Variants in PRR12 observed in about 807,000 individuals in gnomAD.
PRR12 encodes the protein proline rich 12, also known as proline-rich protein 12.
Under a neutral mutation model 138.0 loss-of-function variants are expected in PRR12, and 12 were observed. The observed-to-expected ratio is 0.09, with a 90% CI of 0.06 to 0.14. PRR12 has a LOEUF of 0.14. Among genes scored for constraint, PRR12 ranks in the 10% least tolerant of loss-of-function variants. The pLI is 1.00. For missense variants in PRR12, 2,692 were observed against 2,861.3 expected (o/e 0.94, Z 1.35); for synonymous variants, 1,567 against 1,291.7 (o/e 1.21, Z -4.57).
rs1326647121 is a variant in PRR12 at position 49,601,858 on chromosome 19, G to A, written c.4713G>A (p.Glu1571=). The part of the protein sequence containing the change: ...TDEEAGESGG[E]GIFRERDEFV... The stretch of plus-strand genomic sequence containing the variant: ...AGGAGGCCGGCGAGAGTGGCGGAGA[G>A]GGCATCTTCCGGGAACGGGACGAGT... Residue 1571 remains glutamate (E), a synonymous_variant, in exon 6 of 14, where the codon GAG becomes GAA. Coordinates refer to ENST00000418929, the MANE Select transcript of PRR12 (RefSeq NM_020719.3). 5 of 1,612,694 alleles carry A rather than the reference G, an allele frequency of 3.1e-6. No homozygotes were observed. Among genetic ancestry groups the A allele is most frequent in the Admixed American group, 3.3e-5 (2 of 60,026 alleles).
At position 49,596,493 on chromosome 19, in the gene PRR12, C is replaced by T; in HGVS notation, c.2158C>T (p.Leu720=). ...LDEGATAALE[L]GLGRLKEKKK... is the part of the protein sequence containing the mutation. ...TGAGGGTGCCACTGCGGCACTGGAG[C>T]TGGGCCTGGGGAGGCTGAAGGAGAA... Residue 720 remains leucine, a synonymous_variant, in exon 4 of 14, where the codon CTG becomes TTG. Coordinates refer to ENST00000418929, the MANE Select transcript of PRR12 (RefSeq NM_020719.3). This position sits in a 1 kb window ranked among gnomAD's most constrained non-coding sequence, Gnocchi z 5.6. 2 of 1,610,468 alleles carry T rather than the reference C, an allele frequency of 1.2e-6. No homozygotes were observed. Among genetic ancestry groups the T allele is most frequent in the Non-Finnish European group, 1.7e-6 (2 of 1,179,044 alleles).
rs1398558818 is a variant in PRR12 at position 49,616,415 on chromosome 19, G to C, written c.5497+196G>C. Among the ~76,000 whole-genome samples the C allele has an allele frequency of 6.6e-6, 1 of 152,152 alleles. No individual in the cohort carries two copies. The highest frequency in any genetic ancestry group is 1.5e-5 in the Non-Finnish European group (1 of 68,042). On this transcript the variant is annotated intron_variant, in intron 9 of 13. Transcript: ENST00000418929. The surrounding 1 kb of genome is among the most constrained non-coding windows in gnomAD (Gnocchi z 4.2). Reference sequence around the variant, plus strand: ...CTGAGAAGCTGATGGATGTTAACTTGTGTAATTTTCACCCATCCTAGTAGG... The same window carrying C: ...CTGAGAAGCTGATGGATGTTAACTTCTGTAATTTTCACCCATCCTAGTAGG...
At position 49,594,867 on chromosome 19, in the gene PRR12, C is replaced by G. The variant is rs763735808; in HGVS notation, c.532C>G (p.Pro178Ala). The change falls in exon 4 of 14, where the codon CCA (proline) becomes GCA (alanine). Residue 178 changes from proline to alanine, a missense_variant. Physicochemically the swap from Pro to Ala is conservative, Grantham distance 27. Around this residue, in one of 11 missense-constraint regions of PRR12, gnomAD observed 211 missense variants for 266.3 expected, o/e 0.79. Coordinates refer to ENST00000418929, the MANE Select transcript of PRR12 (RefSeq NM_020719.3). This position sits in a 1 kb window ranked among gnomAD's most constrained non-coding sequence, Gnocchi z 5.6. ...CCTCCAGGACCCCCCATTCAGCCCT[C>G]CAGCTAACGGGCTCCTGTCCCCTCA... ...LSLQDPPFSPPANGLLSPHDV... is the reference protein window; with the variant it reads ...LSLQDPPFSPAANGLLSPHDV... 1 of 1,611,412 alleles carries G rather than the reference C, an allele frequency of 6.2e-7. No homozygotes were observed. Among genetic ancestry groups the G allele is most frequent in the African/African-American group, 1.3e-5 (1 of 74,866 alleles).
chr19:49,601,144 G>A (rs554354913), intron 5 of PRR12, among the ~76,000 whole-genome samples: 43 of 152,292 alleles, frequency 2.8e-4, no homozygotes, highest in Admixed American at 1.2e-3. Context: ...GGAGGAGGAT[G>A]AGGCCTTGGA....
rs1568422455 is a variant in PRR12 at position 49,596,340 on chromosome 19, G to C, written c.2005G>C (p.Asp669His). The C allele has an allele frequency of 6.2e-7, 1 of 1,609,846 alleles. No homozygotes were observed. Among genetic ancestry groups the C allele is most frequent in the Admixed American group, 1.7e-5 (1 of 59,822 alleles). ...DGLVGEDGAA[D>H]ASKGLGGSGG... ...CTTGGTGGGCGAGGACGGGGCAGCA[G>C]ATGCCTCTAAGGGACTTGGGGGGAG... is the stretch of plus-strand genomic sequence containing the variant. The change falls in exon 4 of 14, where the codon GAT (aspartate) becomes CAT (histidine). Residue 669 changes from aspartate (D) to histidine (H), a missense_variant. Around this residue, in one of 11 missense-constraint regions of PRR12, gnomAD observed 840 missense variants for 689.8 expected, o/e 1.22. Coordinates refer to ENST00000418929, the MANE Select transcript of PRR12 (RefSeq NM_020719.3). The surrounding 1 kb of genome is among the most constrained non-coding windows in gnomAD (Gnocchi z 5.6).
In PRR12 at chr19:49,596,663, C is replaced by A; in HGVS notation, c.2328C>A (p.Pro776=). ...CTCCCACGGCCCAGTCTACCCAGCCCACTCCCCATGGCCTCCTTCTGGAGG... is the reference window on the plus strand; with the variant it reads ...CTCCCACGGCCCAGTCTACCCAGCCAACTCCCCATGGCCTCCTTCTGGAGG... ...PPPPTAQSTQ[P]TPHGLLLEAG... The change falls in exon 4 of 14, where the codon CCC becomes CCA. Residue 776 remains proline, a synonymous_variant. Coordinates refer to ENST00000418929, the MANE Select transcript of PRR12 (RefSeq NM_020719.3). This position sits in a 1 kb window ranked among gnomAD's most constrained non-coding sequence, Gnocchi z 5.6. 6.2e-7 allele frequency: 1 copy of A among 1,605,344 alleles called. No individual in the cohort carries two copies. The highest frequency in any genetic ancestry group is 8.5e-7 in the Non-Finnish European group (1 of 1,178,032).
In PRR12 at chr19:49,596,762, C is replaced by T; in HGVS notation, c.2427C>T (p.Ala809=). 6.2e-7 allele frequency: 1 copy of T among 1,604,460 alleles called. No homozygotes were observed. ...PQLLPSVLSH[A]PSPSPSASKV... Reference sequence around the variant, plus strand: ...TGCTCCCCTCGGTCCTCAGCCATGCCCCCAGTCCCTCTCCCAGCGCCTCCA... The same window carrying T: ...TGCTCCCCTCGGTCCTCAGCCATGCTCCCAGTCCCTCTCCCAGCGCCTCCA... Residue 809 remains alanine (A), a synonymous_variant, in exon 4 of 14, where the codon GCC becomes GCT. Coordinates refer to ENST00000418929, the MANE Select transcript of PRR12 (RefSeq NM_020719.3). The surrounding 1 kb of genome is among the most constrained non-coding windows in gnomAD (Gnocchi z 5.6).
chr19:49,620,228 C>T lies in PRR12; in HGVS notation c.5498-124C>T, dbSNP rs538024499. On this transcript the variant is annotated intron_variant, in intron 9 of 13. Transcript: ENST00000418929. ...GCGCTTGCCTGTCAATCTTCCCTAGCGGACTTGGACCTCCCAAAAGCAGGG... is the reference window on the plus strand; with the variant it reads ...GCGCTTGCCTGTCAATCTTCCCTAGTGGACTTGGACCTCCCAAAAGCAGGG... 6.7e-5 allele frequency: 88 copies of T among 1,310,646 alleles called. 1 individual carries two copies. The highest frequency in any genetic ancestry group is 1.8e-4 in the Middle Eastern group (1 of 5,406). 81.2% of individuals were successfully genotyped at this position (1,310,646 alleles called of 1,614,324 possible).
chr19:49,618,729 C>T (rs1409999702), intron 9 of PRR12, among the ~76,000 whole-genome samples: 1 of 152,048 alleles, frequency 6.6e-6, no homozygotes, highest in Non-Finnish European at 1.5e-5. Context: ...CACAGCTGGG[C>T]AGCTCCCAGC....
In PRR12 at chr19:49,599,653, G is replaced by A. The variant is rs368190282; in HGVS notation, c.4060G>A (p.Gly1354Ser). ...CGCCCTGGAGGCTGCAGAGAGTGAG[G>A]GTCTGGGGCTTGGCTGCCCTTCACC... Reference protein sequence around the residue: ...GGALEAAESEGLGLGCPSPCK... With the variant: ...GGALEAAESESLGLGCPSPCK... Residue 1354 changes from glycine to serine, a missense_variant, in exon 5 of 14, where the codon GGT becomes AGT. Gly to Ser is a moderately conservative substitution (Grantham distance 56). This residue lies in a region of PRR12 where 326 missense variants were observed against 344.2 expected (regional missense o/e 0.95). Coordinates refer to ENST00000418929, the MANE Select transcript of PRR12 (RefSeq NM_020719.3). This position sits in a 1 kb window ranked among gnomAD's most constrained non-coding sequence, Gnocchi z 5.0. The A allele has an allele frequency of 2.5e-6, 4 of 1,611,738 alleles. No homozygotes were observed. The highest frequency in any genetic ancestry group is 3.4e-6 in the Non-Finnish European group (4 of 1,178,396).
chr19:49,614,911 C>T lies in PRR12; in HGVS notation c.4926C>T (p.Tyr1642=). ...LGYFGDAKNR[Y]QRLYVKFLEN... ...ATTTTGGGGATGCAAAAAATCGGTA[C>T]CAGCGCCTCTATGTAAAGTTCCTGG... The change falls in exon 8 of 14, where the codon TAC becomes TAT. Residue 1642 remains tyrosine, a synonymous_variant. Coordinates refer to ENST00000418929, the MANE Select transcript of PRR12 (RefSeq NM_020719.3). This position sits in a 1 kb window ranked among gnomAD's most constrained non-coding sequence, Gnocchi z 5.0. 6.2e-7 allele frequency: 1 copy of T among 1,613,936 alleles called. No individual in the cohort carries two copies. Among genetic ancestry groups the T allele is most frequent in the Non-Finnish European group, 8.5e-7 (1 of 1,179,866 alleles).
In PRR12 at chr19:49,599,511, G is replaced by A. The variant is rs768859785; in HGVS notation, c.3918G>A (p.Pro1306=). 36 of 1,596,948 alleles carry A rather than the reference G, an allele frequency of 2.3e-5. No homozygotes were observed. The highest frequency in any genetic ancestry group is 6.8e-5 in the East Asian group (3 of 44,118). ...TCTACCAGGCGGGCCTGACGCCTCC[G>A]CTCAGCCCTCCCAAGAGTGTGCCAC... ...PPLYQAGLTP[P]LSPPKSVPPS... The change falls in exon 5 of 14, where the codon CCG becomes CCA. Residue 1306 remains proline (P), a synonymous_variant. Transcript: ENST00000418929. The surrounding 1 kb of genome is among the most constrained non-coding windows in gnomAD (Gnocchi z 5.0).
chr19:49,610,837 C>T (rs1054577262), intron 6 of PRR12, among the ~76,000 whole-genome samples: 6 of 151,746 alleles, frequency 4.0e-5, no homozygotes, highest in Admixed American at 1.3e-4. Flanking sequence ...GCCACTGCGC[C>T]CGGCCTTTTT....
intron 4 of PRR12, 66 bp downstream of exon 4, chr19:49,598,079 T>C: frequency 2.5e-6 from 3 of 1,189,422 alleles, no homozygotes; most frequent in Non-Finnish European, 3.2e-6. Flanking sequence ...TTGAGTCTTT[T>C]TTTTTTTTTT....
rs983306345 is a variant in PRR12 at position 49,597,901 on chromosome 19, C to G, written c.3566C>G (p.Ser1189Trp). The G allele has an allele frequency of 7.1e-7, 1 of 1,416,760 alleles. No individual in the cohort carries two copies. Among genetic ancestry groups the G allele is most frequent in the Non-Finnish European group, 9.2e-7 (1 of 1,089,052 alleles). 87.8% of individuals were successfully genotyped at this position (1,416,760 alleles called of 1,614,324 possible). ...GTCCCGACCACTGCGGGGCCCGCCTCGGCCTCCACGCCCACCGATGGCGCC... is the reference window on the plus strand; with the variant it reads ...GTCCCGACCACTGCGGGGCCCGCCTGGGCCTCCACGCCCACCGATGGCGCC... ...LEVPTTAGPASASTPTDGAKK... is the reference protein window; with the variant it reads ...LEVPTTAGPAWASTPTDGAKK... Residue 1189 changes from serine (S) to tryptophan (W), a missense_variant, in exon 4 of 14, where the codon TCG becomes TGG. This residue lies in a region of PRR12 where 326 missense variants were observed against 344.2 expected (regional missense o/e 0.95). Transcript: ENST00000418929. This position sits in a 1 kb window ranked among gnomAD's most constrained non-coding sequence, Gnocchi z 6.3.
chr19:49,607,975 C>T (rs1007808137), intron 6 of PRR12, among the ~76,000 whole-genome samples: 6 of 152,072 alleles, frequency 3.9e-5, no homozygotes, highest in South Asian at 2.1e-4. Context: ...GCCGAAATGA[C>T]GCCATTGCAC....
chr19:49,595,231 A>G lies in PRR12; in HGVS notation c.896A>G (p.Gln299Arg). ...IKHYQRPASA[Q>R]PPPPPPPAHA... is the part of the protein sequence containing the mutation. Reference sequence around the variant, plus strand: ...CACTACCAGCGGCCAGCCAGTGCCCAGCCCCCACCACCCCCGCCACCAGCC... The same window carrying G: ...CACTACCAGCGGCCAGCCAGTGCCCGGCCCCCACCACCCCCGCCACCAGCC... Residue 299 changes from glutamine (Q) to arginine (R), a missense_variant, in exon 4 of 14, where the codon CAG (glutamine) becomes CGG (arginine). Coordinates refer to ENST00000418929, the MANE Select transcript of PRR12 (RefSeq NM_020719.3). 1.4e-6 allele frequency: 2 copies of G among 1,390,096 alleles called. No individual in the cohort carries two copies. Among genetic ancestry groups the G allele is most frequent in the South Asian group, 1.2e-5 (1 of 81,228 alleles). The allele number at this position is 1,390,096 out of a possible 1,614,324, so 86.1% of individuals were successfully genotyped here.
chr19:49,602,659 C>T (rs1311273745), intron 6 of PRR12, among the ~76,000 whole-genome samples: 1 of 152,174 alleles, frequency 6.6e-6, no homozygotes, highest in African/African-American at 2.4e-5. Flanking sequence ...TCAAGCGATT[C>T]TCTTGACTTG....
rs1424433081 is a variant in PRR12 at position 49,614,394 on chromosome 19, G to T, written c.4774-139G>T. 3 of 610,392 alleles carry T rather than the reference G, an allele frequency of 4.9e-6. No individual in the cohort carries two copies. Among genetic ancestry groups the T allele is most frequent in the East Asian group, 2.8e-5 (1 of 35,284 alleles). 37.8% of individuals were successfully genotyped at this position (610,392 alleles called of 1,614,324 possible). A position where few individuals can be genotyped will look rare whatever the true frequency, so the allele number is the denominator to read the frequency against. On this transcript the variant is annotated intron_variant, in intron 6 of 13. Transcript: ENST00000418929. The surrounding 1 kb of genome is among the most constrained non-coding windows in gnomAD (Gnocchi z 5.0). Reference sequence around the variant, plus strand: ...TACACAGAGCTGAACACATCATGGGGGTAGAAGATATTTGTTGTTGACGTG... The same window carrying T: ...TACACAGAGCTGAACACATCATGGGTGTAGAAGATATTTGTTGTTGACGTG...
Sources: gnomAD v4.1 joint callset for allele counts (sites outside exome capture counted in the v4.1 genomes callset) on GRCh38, gnomAD v4.1.1 for gene constraint, gnomAD v4.1.1 regional missense constraint, Gnocchi (gnomAD v3.1) non-coding constraint, MANE v1.5 for transcripts, NCBI Gene and HGNC (gene_info 2026-07-23, HGNC 2026-07-21) for gene names.